MYH9: variants seen among roughly 807,000 people sequenced by gnomAD.
MYH9 encodes the protein myosin-9.
A neutral mutation model predicts 241.9 loss-of-function variants in MYH9; 29 were observed. The ratio of observed to expected loss-of-function variants is 0.12; its 90% CI spans 0.09 to 0.16. The LOEUF (loss-of-function observed/expected upper bound fraction) is 0.16, where lower values mean the gene tolerates loss of function less well. Ranked by LOEUF, MYH9 falls within the 10% of genes least tolerant of loss-of-function variation. The probability of loss-of-function intolerance (pLI) is 1.00; values close to 1 mark genes in which losing one functional copy is unlikely to be tolerated. For missense variants in MYH9, 1,803 were observed against 2,595.5 expected, an observed-to-expected ratio of 0.69 and a Z score of 6.63; for synonymous variants, 1,047 against 1,062.6, an observed-to-expected ratio of 0.99 and a Z score of 0.29.
Position 36,299,002 on chromosome 22 carries a change from G to A in MYH9, c.3017C>T (p.Thr1006Ile). ...LLEDRIAEFT[T>I]NLTEEEEKSK... Reference sequence around the variant, plus strand: ...TTTCTCCTCCTCTTCTGTGAGGTTGGTGGTGAACTCAGCTATTCTGTCTTC... The same window carrying A: ...TTTCTCCTCCTCTTCTGTGAGGTTGATGGTGAACTCAGCTATTCTGTCTTC... Residue 1006 changes from threonine (T) to isoleucine (I), a missense_variant, in exon 24 of 41, where the codon ACC becomes ATC. This residue lies in a region of MYH9 where 290 missense variants were observed against 360.5 expected (regional missense o/e 0.80). Coordinates refer to ENST00000216181, the MANE Select transcript of MYH9 (RefSeq NM_002473.6). 1.2e-6 allele frequency: 2 copies of A among 1,614,126 alleles called. No individual in the cohort carries two copies. Among genetic ancestry groups the A allele is most frequent in the Non-Finnish European group, 1.7e-6 (2 of 1,180,000 alleles).
chr22:36,380,776 A>G (rs755216171), intron 1 of MYH9, among the ~76,000 whole-genome samples: 5 of 151,660 alleles, frequency 3.3e-5, no homozygotes, highest in Admixed American at 6.6e-5. Context: ...AAAGAAAGAA[A>G]GCCAGGTATG....
chr22:36,305,295 C>A lies in MYH9; in HGVS notation c.2160-193G>T, dbSNP rs2016950914. ...CTTCGGCTGAATGAGACAAGGAAGCCTTGGTGTTTTCCGGAAAGTGAATGG... is the reference window on the plus strand; with the variant it reads ...CTTCGGCTGAATGAGACAAGGAAGCATTGGTGTTTTCCGGAAAGTGAATGG... On this transcript the variant is annotated intron_variant, in intron 17 of 40. Transcript: ENST00000216181. This position sits in a 1 kb window ranked among gnomAD's most constrained non-coding sequence, Gnocchi z 4.7. 6.6e-6 allele frequency among the ~76,000 whole-genome samples: 1 copy of A among 152,180 alleles called. No individual in the cohort carries two copies. The highest frequency in any genetic ancestry group is 1.5e-5 in the Non-Finnish European group (1 of 68,022).
intron 1 of MYH9, among the ~76,000 whole-genome samples, chr22:36,385,004 C>G (rs1174455787): frequency 6.6e-6 from 1 of 152,104 alleles, no homozygotes; most frequent in African/African-American, 2.4e-5. Context: ...CTCTCTGGGG[C>G]TGCACAAAGG....
chr22:36,288,694 G>A lies in MYH9; in HGVS notation c.4770+33C>T, dbSNP rs1384412917. On this transcript the variant is annotated intron_variant, in intron 33 of 40. Coordinates refer to ENST00000216181, the MANE Select transcript of MYH9 (RefSeq NM_002473.6). This position sits in a 1 kb window ranked among gnomAD's most constrained non-coding sequence, Gnocchi z 4.8. Reference sequence around the variant, plus strand: ...CCTGCGTGAAGCCAAGGCAGCCTTGGGCACCCATGGGGTAGCAGGAGGCCA... The same window carrying A: ...CCTGCGTGAAGCCAAGGCAGCCTTGAGCACCCATGGGGTAGCAGGAGGCCA... The A allele has an allele frequency of 6.3e-7, 1 of 1,599,340 alleles. No homozygotes were observed. The highest frequency in any genetic ancestry group is 2.2e-5 in the East Asian group (1 of 44,864).
intron 3 of MYH9, among the ~76,000 whole-genome samples, chr22:36,331,331 GAA>G (rs1424821430): frequency 6.6e-6 from 1 of 152,210 alleles, no homozygotes; most frequent in Non-Finnish European, 1.5e-5. Flanking sequence ...ACCGCCACGA[GAA>G]AGTCTTTCAT....
At chr22:36,283,746 G>A (rs1431189139) in intron 40 of MYH9, among the ~76,000 whole-genome samples, 1 of 152,218 alleles carries the variant, frequency 6.6e-6, no homozygotes, top group Admixed American at 6.5e-5. Flanking sequence ...ACGCAAAGGA[G>A]CGTTTTTAAC....
rs1355677487 is a variant in MYH9 at position 36,352,964 on chromosome 22, G to A, written c.-19-3709C>T. ...ACGGGTTAGACCGGCAGGGAGAGCC[G>A]CAAAGGTCAGGATAAACAGTGGAGT... On this transcript the variant is annotated intron_variant, in intron 1 of 40. Transcript: ENST00000216181. Among the ~76,000 whole-genome samples the A allele has an allele frequency of 3.9e-5, 6 of 152,268 alleles. No homozygotes were observed. In the East Asian group the frequency reaches 7.7e-4, roughly 20 times the overall value.
chr22:36,356,881 C>T (rs1268364254), intron 1 of MYH9, among the ~76,000 whole-genome samples: 2 of 152,230 alleles, frequency 1.3e-5, no homozygotes, highest in Non-Finnish European at 2.9e-5. Context: ...AACACCCAAA[C>T]GCAGTAAGCA....
In MYH9 at chr22:36,358,520, G is replaced by A. The variant is rs116220781; in HGVS notation, c.-19-9265C>T. ...TAAATATATTTAAACACCTACCAAC[G>A]AGCCATCTCCACCTGGTGGATGCAC... On this transcript the variant is annotated intron_variant, in intron 1 of 40. Coordinates refer to ENST00000216181, the MANE Select transcript of MYH9 (RefSeq NM_002473.6). Among the ~76,000 whole-genome samples the A allele has an allele frequency of 3.6e-3, 539 of 151,696 alleles. 7 individuals are homozygous for A. Among genetic ancestry groups the A allele is most frequent in the African/African-American group, 0.012 (513 of 41,282 alleles).
chr22:36,356,335 C>T (rs890702627), intron 1 of MYH9, among the ~76,000 whole-genome samples: 2 of 151,694 alleles, frequency 1.3e-5, no homozygotes, highest in Non-Finnish European at 2.9e-5. Context: ...AATCCCTGCA[C>T]TTTGGGAGGC....
intron 1 of MYH9, among the ~76,000 whole-genome samples, chr22:36,351,423 C>T (rs780961531): frequency 1.3e-5 from 2 of 152,156 alleles, no homozygotes; most frequent in African/African-American, 2.4e-5. Context: ...AACTGCCTGG[C>T]CGCCCCTCGT....
At chr22:36,316,116 C>A (rs181434983) in intron 12 of MYH9, among the ~76,000 whole-genome samples, 12 of 149,244 alleles carry the variant, frequency 8.0e-5, no homozygotes, top group African/African-American at 3.0e-4. Flanking sequence ...CGGCTCACTG[C>A]AACCTCTGCC....
In MYH9 at chr22:36,329,153, G is replaced by T. The variant is rs141486204; in HGVS notation, c.491-1665C>A. 0.037 allele frequency among the ~76,000 whole-genome samples: 5,576 copies of T among 152,206 alleles called. 136 individuals are homozygous for T. Among genetic ancestry groups the T allele is most frequent in the South Asian group, 0.055 (263 of 4,818 alleles). ...GCCCCCTAAGCATCAACGGGGTGGGGGCGCAGAGGGGCTGGGTCACTCTCA... is the reference window on the plus strand; with the variant it reads ...GCCCCCTAAGCATCAACGGGGTGGGTGCGCAGAGGGGCTGGGTCACTCTCA... On this transcript the variant is annotated intron_variant, in intron 3 of 40. Transcript: ENST00000216181. This position sits in a 1 kb window ranked among gnomAD's most constrained non-coding sequence, Gnocchi z 4.1.
chr22:36,309,531 C>G, intron 14 of MYH9, 135 bp from the exon 15 acceptor site: 1 of 709,346 alleles, frequency 1.4e-6, no homozygotes. Flanking sequence ...GCATTTCCAC[C>G]CCTAAGAAGG....
rs764743124 is a variant in MYH9, at chr22:36,349,129, G to T, written c.108C>A (p.Ser36=). 1 of 1,614,034 alleles carries T rather than the reference G, an allele frequency of 6.2e-7. No homozygotes were observed. Among genetic ancestry groups the T allele is most frequent in the Non-Finnish European group, 8.5e-7 (1 of 1,179,982 alleles). Residue 36 remains serine (S), a synonymous_variant, in exon 2 of 41, where the codon TCC becomes TCA. Transcript: ENST00000216181. ...TGGCTGGCTCAAAGCCACTCTTGTC[G>T]GAAGGCACCCATACCAGCTTCTTGG... The part of the protein sequence containing the change: ...WAAKKLVWVP[S]DKSGFEPASL...
At chr22:36,301,391 CACTGTTTACAGT>C in intron 21 of MYH9, 131 bp downstream of exon 21, 4 of 1,114,004 alleles carry the variant, frequency 3.6e-6, no homozygotes, top group Non-Finnish European at 5.2e-6. Flanking sequence ...AGAGACTGGT[CACTGTTTACAGT>C]AATAGGAAAC....
chr22:36,319,689 C>CG, intron 9 of MYH9, 54 bp from the exon 10 acceptor site: 4 of 1,558,214 alleles, frequency 2.6e-6, no homozygotes, highest in Non-Finnish European at 3.5e-6. Flanking sequence ...TGGTGATTCC[C>CG]GGGGGTGGGG....
chr22:36,357,594 G>T (rs1369748564), intron 1 of MYH9, among the ~76,000 whole-genome samples: 1 of 152,132 alleles, frequency 6.6e-6, no homozygotes, highest in Non-Finnish European at 1.5e-5. Flanking sequence ...AATCACACCC[G>T]GTTGAGCCCA....
At position 36,282,343 on chromosome 22, in the gene MYH9, G is replaced by A. The variant is rs189775203; in HGVS notation, c.*325C>T. 4.1e-4 allele frequency: 213 copies of A among 517,284 alleles called. 2 individuals carry two copies. The East Asian group carries it at 4.7e-3, about 12-fold the overall frequency. The allele number at this position is 517,284 out of a possible 1,614,324, so 32.0% of individuals were successfully genotyped here. A position where few individuals can be genotyped will look rare whatever the true frequency, so the allele number is the denominator to read the frequency against. On this transcript the variant is annotated 3_prime_UTR_variant, in exon 41 of 41. Coordinates refer to ENST00000216181, the MANE Select transcript of MYH9 (RefSeq NM_002473.6). ...AGAAAACTCTGGCCCCTCCCCGGGG[G>A]CCTGCCCTGCTCGCCTCAACATCTT...
Sources: allele counts gnomAD v4.1 joint callset (sites outside exome capture counted in the v4.1 genomes callset), GRCh38; gene constraint gnomAD v4.1.1; regional missense constraint gnomAD v4.1.1; non-coding constraint Gnocchi (gnomAD v3.1); transcripts MANE v1.5; gene names NCBI Gene and HGNC (gene_info 2026-07-23, HGNC 2026-07-21).